KLHDC4: variants seen among roughly 807,000 people sequenced by gnomAD.
KLHDC4 encodes kelch domain-containing protein 4.
In KLHDC4, 90 loss-of-function variants were observed where a neutral mutation model predicts 62.4. The ratio of observed to expected loss-of-function variants is 1.44; its 90% CI spans 1.22 to 1.72. KLHDC4 has a LOEUF of 1.72. Ranked by LOEUF, KLHDC4 falls within the 40% of genes most tolerant of loss-of-function variation. The pLI, the probability that KLHDC4 is intolerant of heterozygous loss-of-function variation, is 0.00. For missense variants in KLHDC4, 1,025 were observed against 699.7 expected (o/e 1.47, Z -5.25); for synonymous variants, 386 against 284.4 (o/e 1.36, Z -3.59).
chr16:87,702,142 C>A (rs754669030), exon 1 of KLHDC4: 16 of 456,232 alleles, frequency 3.5e-5, no homozygotes, highest in South Asian at 2.5e-4. Context: ...TGGAACAGAC[C>A]GGGAGATTCC....
At chr16:87,746,864 C>G (rs1315699534) in intron 5 of KLHDC4, among the ~76,000 whole-genome samples, 5 of 152,196 alleles carry the variant, frequency 3.3e-5, no homozygotes, top group Non-Finnish European at 7.3e-5. Context: ...GTTTTAATTA[C>G]CATTAGCAAG....
chr16:87,717,008 G>C (rs776145201), intron 7 of KLHDC4, among the ~76,000 whole-genome samples: 5 of 152,234 alleles, frequency 3.3e-5, no homozygotes, highest in South Asian at 4.1e-4. Flanking sequence ...AAGGTGGGCA[G>C]ACTGCTTGAG....
intron 7 of KLHDC4, among the ~76,000 whole-genome samples, chr16:87,725,298 A>G (rs139070339): frequency 0.016 from 2,508 of 152,250 alleles, 44 homozygotes; most frequent in Middle Eastern, 0.068. Context: ...GGAAATTACC[A>G]CCGACTACAG....
chr16:87,751,506 T>C lies in KLHDC4; in HGVS notation c.370-2697A>G, dbSNP rs1226043801. Reference sequence around the variant, plus strand: ...AAAGAAAAAAAAAATGAACTTTATGTGCAGAGAAAACATGCAGAAAATACA... The same window carrying C: ...AAAGAAAAAAAAAATGAACTTTATGCGCAGAGAAAACATGCAGAAAATACA... On this transcript the variant is annotated intron_variant, in intron 4 of 11. Transcript: ENST00000270583. 2.6e-5 allele frequency among the ~76,000 whole-genome samples: 4 copies of C among 152,074 alleles called. No individual in the cohort carries two copies. The South Asian group carries it at 6.2e-4, about 24-fold the overall frequency.
At chr16:87,759,288 A>G (rs1271556414) in intron 2 of KLHDC4, among the ~76,000 whole-genome samples, 2 of 151,966 alleles carry the variant, frequency 1.3e-5, no homozygotes, top group African/African-American at 4.8e-5. Context: ...TAATCACAGC[A>G]TTTTGGGAGG....
At position 87,708,415 on chromosome 16, in the gene KLHDC4, A is replaced by C; in HGVS notation, c.1499T>G (p.Val500Gly). The change falls in exon 11 of 12, where the codon GTT (valine) becomes GGT (glycine). Residue 500 changes from valine (V) to glycine (G), a missense_variant. Transcript: ENST00000270583. ...GTCGACCCCACCCTCGGCGCCCTCA[A>C]CCTCCTCACTGTCCTCTTCCGAGTC... ...ETDSEEDSEE[V>G]EGAEGGVDDE... The C allele has an allele frequency of 6.2e-7, 1 of 1,611,032 alleles. No homozygotes were observed. The highest frequency in any genetic ancestry group is 1.1e-5 in the South Asian group (1 of 90,916).
chr16:87,718,623 T>C (rs6540070), intron 7 of KLHDC4, among the ~76,000 whole-genome samples: 10,269 of 151,708 alleles, frequency 0.068, 1,161 homozygotes, highest in African/African-American at 0.24. Context: ...AGTGCTGAGA[T>C]TGCAGCCTCT....
rs770737632 is a variant in KLHDC4 at position 87,711,383 on chromosome 16, A to G, written c.896T>C (p.Phe299Ser). Residue 299 changes from phenylalanine to serine, a missense_variant, in exon 9 of 12, where the codon TTT becomes TCT. Transcript: ENST00000270583. ...GTGATTCGGGGCCATGGCCACGGAA[A>G]AGCCAGACCGTGGGGTGGGCTTGAC... ...SGVKPTPRSG[F>S]SVAMAPNHQT... is the part of the protein sequence containing the mutation. 29 of 1,613,640 alleles carry G rather than the reference A, an allele frequency of 1.8e-5. No individual in the cohort carries two copies. The highest frequency in any genetic ancestry group is 2.4e-5 in the Non-Finnish European group (28 of 1,180,028).
chr16:87,708,376 C>G lies in KLHDC4; in HGVS notation c.1538G>C (p.Gly513Ala). The G allele has an allele frequency of 6.2e-7, 1 of 1,610,256 alleles. No individual in the cohort carries two copies. The highest frequency in any genetic ancestry group is 1.1e-5 in the South Asian group (1 of 90,960). ...TCAGTCCTCCGCACCGCTCTCCTCT[C>G]CGCTGTCTTCGTCGTCGACCCCACC... is the stretch of plus-strand genomic sequence containing the variant. ...AEGGVDDEDS[G>A]EESGAED The change falls in exon 11 of 12, where the codon GGA becomes GCA. Residue 513 changes from glycine (G) to alanine (A), a missense_variant. Coordinates refer to ENST00000270583, the MANE Select transcript of KLHDC4 (RefSeq NM_017566.4).
intron 2 of KLHDC4, among the ~76,000 whole-genome samples, chr16:87,760,100 C>T (rs2045632106): frequency 6.6e-6 from 1 of 152,032 alleles, no homozygotes; most frequent in Non-Finnish European, 1.5e-5. Flanking sequence ...AGATCTTAAT[C>T]TCAGGATAAC....
At chr16:87,743,683 T>C (rs2042587304) in intron 5 of KLHDC4, among the ~76,000 whole-genome samples, 2 of 151,460 alleles carry the variant, frequency 1.3e-5, no homozygotes, top group South Asian at 2.1e-4. Context: ...GAGCTTGCAG[T>C]GAGCCGAGAT....
chr16:87,714,604 G>T, intron 7 of KLHDC4, 31 bp from the exon 8 acceptor site: 1 of 1,612,900 alleles, frequency 6.2e-7, no homozygotes, highest in Non-Finnish European at 8.5e-7. Context: ...GTGAGAACCG[G>T]GGGCAGCTAC....
intron 1 of KLHDC4, chr16:87,765,092 A>C (rs2046436921): frequency 2.2e-6 from 1 of 455,828 alleles, no homozygotes; most frequent in South Asian, 1.5e-5. Context: ...AAGCCCAGGG[A>C]GCTGTGCCTG....
chr16:87,698,806 A>T (rs2034012297), exon 1 of KLHDC4: 1 of 152,294 alleles, frequency 6.6e-6, no homozygotes. Context: ...GCCCAGGCCC[A>T]GGGGACCTGC....
At chr16:87,730,906 G>C (rs1481086132) in intron 5 of KLHDC4, 1 of 343,550 alleles carries the variant, frequency 2.9e-6, no homozygotes, top group South Asian at 3.9e-5. Flanking sequence ...TTCCTAGGTA[G>C]AACATTATAA....
intron 9 of KLHDC4, 91 bp from the exon 10 acceptor site, chr16:87,709,758 G>A: frequency 1.4e-6 from 2 of 1,403,608 alleles, no homozygotes; most frequent in South Asian, 1.4e-5. Flanking sequence ...AGGGTTTGCG[G>A]GGACCACCCA....
intron 1 of KLHDC4, among the ~76,000 whole-genome samples, chr16:87,762,856 C>T (rs2046087832): frequency 6.6e-6 from 1 of 152,098 alleles, no homozygotes; most frequent in African/African-American, 2.4e-5. Context: ...CTTCAGTGTC[C>T]TGCTTGCAAC....
At chr16:87,747,927 C>T (rs1350806236) in intron 5 of KLHDC4, among the ~76,000 whole-genome samples, 1 of 152,210 alleles carries the variant, frequency 6.6e-6, no homozygotes, top group Non-Finnish European at 1.5e-5. Context: ...GGCACTTCCG[C>T]TCTGCTGCTT....
At chr16:87,701,906 T>A in exon 1 of KLHDC4, 1 of 456,326 alleles carries the variant, frequency 2.2e-6, no homozygotes, top group South Asian at 1.5e-5. Context: ...GGCTCTGCTG[T>A]GCACGTGCTC....
Sources: gnomAD v4.1 joint callset for allele counts (sites outside exome capture counted in the v4.1 genomes callset) on GRCh38, gnomAD v4.1.1 for gene constraint, MANE v1.5 for transcripts, NCBI Gene and HGNC (gene_info 2026-07-23, HGNC 2026-07-21) for gene names.